NDFIP2: variants seen among roughly 807,000 people sequenced by gnomAD.
NDFIP2 encodes the protein Nedd4 family interacting protein 2.
In NDFIP2, 19 loss-of-function variants were observed where a neutral mutation model predicts 36.0. That is an observed-to-expected ratio of 0.53 (90% CI 0.37 to 0.77). The LOEUF (loss-of-function observed/expected upper bound fraction) is 0.77, where lower values mean the gene tolerates loss of function less well. Among genes scored for constraint, NDFIP2 ranks in the 30% least tolerant of loss-of-function variants. The pLI, the probability that NDFIP2 is intolerant of heterozygous loss-of-function variation, is 0.00. For synonymous variants in NDFIP2, 181 were observed against 167.7 expected (o/e 1.08, Z -0.61); for missense variants, 446 against 435.8 (o/e 1.02, Z -0.21).
chr13:79,482,169 C>CTTTTTTTTTTTTTTTTTTTTTTT (rs10558361), intron 1 of NDFIP2, among the ~76,000 whole-genome samples: 15 of 75,884 alleles, frequency 2.0e-4, no homozygotes, highest in Non-Finnish European at 3.2e-4. Flanking sequence ...TTCTTTCTTT[C>CTTTTTTTTTTTTTTTTTTTTTTT]TTTTTTTTTT....
intron 4 of NDFIP2, among the ~76,000 whole-genome samples, chr13:79,542,296 G>T (rs896100614): frequency 2.0e-5 from 3 of 152,130 alleles, no homozygotes; most frequent in Admixed American, 1.3e-4. Context: ...TATCATTTTA[G>T]ACTTGAGGGA....
At position 79,522,349 on chromosome 13, in the gene NDFIP2, A is replaced by C. The variant is rs1874619397; in HGVS notation, c.487+1374A>C. On this transcript the variant is annotated intron_variant, in intron 2 of 7. Coordinates refer to ENST00000218652, the MANE Select transcript of NDFIP2 (RefSeq NM_019080.3). ...AGACTTTGCTACCTTAGATTAAAAA[A>C]ATTAATTTGATTATAATTTTGAAGA... 2.6e-5 allele frequency among the ~76,000 whole-genome samples: 4 copies of C among 152,320 alleles called. No individual in the cohort carries two copies. The South Asian group carries it at 8.3e-4, about 32-fold the overall frequency.
At chr13:79,530,518 A>C (rs559262467) in intron 2 of NDFIP2, among the ~76,000 whole-genome samples, 1 of 152,344 alleles carries the variant, frequency 6.6e-6, no homozygotes, top group African/African-American at 2.4e-5. Context: ...AGTGCTGTTT[A>C]TGGCATTTTA....
chr13:79,499,384 A>G (rs972985471), intron 1 of NDFIP2, among the ~76,000 whole-genome samples: 1 of 151,978 alleles, frequency 6.6e-6, no homozygotes, highest in African/African-American at 2.4e-5. Flanking sequence ...CTCATGCAAT[A>G]TGACAAGGAA....
At chr13:79,533,113 A>ATT (rs1436597403) in intron 2 of NDFIP2, among the ~76,000 whole-genome samples, 1 of 152,150 alleles carries the variant, frequency 6.6e-6, no homozygotes, top group African/African-American at 2.4e-5. Flanking sequence ...TTTAAACGGT[A>ATT]TTTATCCATT....
At chr13:79,527,718 A>T (rs1030787474) in intron 2 of NDFIP2, among the ~76,000 whole-genome samples, 1 of 152,222 alleles carries the variant, frequency 6.6e-6, no homozygotes, top group Non-Finnish European at 1.5e-5. Flanking sequence ...TATATTTATT[A>T]ATCTTAATTA....
chr13:79,536,707 G>A (rs1215180993), intron 3 of NDFIP2, among the ~76,000 whole-genome samples: 1 of 151,900 alleles, frequency 6.6e-6, no homozygotes, highest in Non-Finnish European at 1.5e-5. Context: ...TTTGTGTTTC[G>A]ATTTTTTCTA....
intron 2 of NDFIP2, among the ~76,000 whole-genome samples, chr13:79,529,148 G>A (rs534497847): frequency 6.6e-6 from 1 of 152,320 alleles, no homozygotes; most frequent in Non-Finnish European, 1.5e-5. Flanking sequence ...TAGTGTTTAA[G>A]TGATTAGCTT....
chr13:79,508,006 G>T (rs951402543), intron 1 of NDFIP2, among the ~76,000 whole-genome samples: 1 of 152,036 alleles, frequency 6.6e-6, no homozygotes, highest in Non-Finnish European at 1.5e-5. Context: ...TTTAGATTAT[G>T]TGAAAATGTA....
At chr13:79,494,377 C>G (rs181677819) in intron 1 of NDFIP2, among the ~76,000 whole-genome samples, 1 of 152,066 alleles carries the variant, frequency 6.6e-6, no homozygotes, top group African/African-American at 2.4e-5. Flanking sequence ...TAACTCATCA[C>G]TGAGTTAAGC....
At chr13:79,494,165 T>G (rs895345186) in intron 1 of NDFIP2, among the ~76,000 whole-genome samples, 8 of 152,132 alleles carry the variant, frequency 5.3e-5, no homozygotes, top group African/African-American at 1.9e-4. Context: ...TAGTCCTGCC[T>G]CTTGGGTTCA....
intron 1 of NDFIP2, among the ~76,000 whole-genome samples, chr13:79,509,327 A>T (rs1873987549): frequency 1.3e-5 from 2 of 152,166 alleles, no homozygotes; most frequent in African/African-American, 4.8e-5. Flanking sequence ...AGGTGGATTA[A>T]TAGATCTTCT....
Position 79,520,966 on chromosome 13 carries a change from A to T in NDFIP2, c.478A>T (p.Thr160Ser), listed in dbSNP as rs747282493. 2 of 1,594,954 alleles carry T rather than the reference A, an allele frequency of 1.3e-6. No homozygotes were observed. Among genetic ancestry groups the T allele is most frequent in the Non-Finnish European group, 1.7e-6 (2 of 1,169,914 alleles). The change falls in exon 2 of 8, where the codon ACA becomes TCA. Residue 160 changes from threonine to serine, a missense_variant. Around this residue, in one of 2 missense-constraint regions of NDFIP2, gnomAD observed 369 missense variants for 304.8 expected, o/e 1.21. Coordinates refer to ENST00000218652, the MANE Select transcript of NDFIP2 (RefSeq NM_019080.3). ...PYSSITVEVP[T>S]TSDTEVYGEF... ...TAGTAGTATTACTGTGGAAGTACCT[A>T]CAACTTCAGGTATGAAACATCTAGT...
chr13:79,524,543 G>C (rs758070826), intron 2 of NDFIP2, among the ~76,000 whole-genome samples: 7 of 152,154 alleles, frequency 4.6e-5, no homozygotes, highest in Non-Finnish European at 8.8e-5. Flanking sequence ...GAAGCAATGA[G>C]GTTATATTTG....
At position 79,481,167 on chromosome 13, in the gene NDFIP2, C is replaced by T. The variant is rs1277538504; in HGVS notation, c.-37C>T. On this transcript the variant is annotated 5_prime_UTR_variant, in exon 1 of 8. Coordinates refer to ENST00000218652, the MANE Select transcript of NDFIP2 (RefSeq NM_019080.3). Reference sequence around the variant, plus strand: ...CCGGACTTGCCTTACTTTTCCATCTCCTCCCACCCAGCTATACCCTCCCAC... The same window carrying T: ...CCGGACTTGCCTTACTTTTCCATCTTCTCCCACCCAGCTATACCCTCCCAC... The T allele has an allele frequency of 6.9e-7, 1 of 1,455,416 alleles. No individual in the cohort carries two copies. Among genetic ancestry groups the T allele is most frequent in the African/African-American group, 1.5e-5 (1 of 68,512 alleles). 90.2% of individuals were successfully genotyped at this position (1,455,416 alleles called of 1,614,324 possible).
chr13:79,508,501 G>GC (rs1417785304), intron 1 of NDFIP2, among the ~76,000 whole-genome samples: 7 of 152,302 alleles, frequency 4.6e-5, no homozygotes, highest in African/African-American at 1.7e-4. Context: ...GATCATTCAT[G>GC]CCTCCCCTTT....
chr13:79,499,259 T>G (rs1322496719), intron 1 of NDFIP2, among the ~76,000 whole-genome samples: 1 of 151,930 alleles, frequency 6.6e-6, no homozygotes, highest in Non-Finnish European at 1.5e-5. Context: ...AAAGCCTATA[T>G]CAAACGTCAT....
At chr13:79,506,572 T>C (rs1294466403) in intron 1 of NDFIP2, among the ~76,000 whole-genome samples, 2 of 152,082 alleles carry the variant, frequency 1.3e-5, no homozygotes, top group African/African-American at 4.8e-5. Context: ...GGGTATAGTT[T>C]TAAAATGGGA....
chr13:79,481,213 C>T lies in NDFIP2; in HGVS notation c.10C>T (p.Arg4Trp), dbSNP rs749001217. 36 of 1,507,976 alleles carry T rather than the reference C, an allele frequency of 2.4e-5. No homozygotes were observed. Among genetic ancestry groups the T allele is most frequent in the Non-Finnish European group, 3.2e-5 (36 of 1,135,912 alleles). 93.4% of individuals were successfully genotyped at this position (1,507,976 alleles called of 1,614,324 possible). A position where few individuals can be genotyped will look rare whatever the true frequency, so the allele number is the denominator to read the frequency against. The part of the protein sequence containing the change: MAR[R>W]RSQRVCASGP... The stretch of plus-strand genomic sequence containing the variant: ...CCCACTGGCGGCGCGGATGGCACGC[C>T]GGCGGAGCCAGCGAGTCTGCGCGAG... The change falls in exon 1 of 8, where the codon CGG becomes TGG. Residue 4 changes from arginine (R) to tryptophan (W), a missense_variant. Around this residue, in one of 2 missense-constraint regions of NDFIP2, gnomAD observed 369 missense variants for 304.8 expected, o/e 1.21. Coordinates refer to ENST00000218652, the MANE Select transcript of NDFIP2 (RefSeq NM_019080.3).
Sources: allele counts gnomAD v4.1 joint callset (sites outside exome capture counted in the v4.1 genomes callset), GRCh38; gene constraint gnomAD v4.1.1; regional missense constraint gnomAD v4.1.1; transcripts MANE v1.5; gene names NCBI Gene and HGNC (gene_info 2026-07-23, HGNC 2026-07-21).